PCDHGA8: variants seen among roughly 807,000 people sequenced by gnomAD.
PCDHGA8 encodes the protein protocadherin gamma subfamily A, 8, also known as protocadherin gamma-A8.
A neutral mutation model predicts 59.2 loss-of-function variants in PCDHGA8; 45 were observed. The observed-to-expected ratio is 0.76, with a 90% CI of 0.60 to 0.98. The LOEUF (loss-of-function observed/expected upper bound fraction) is 0.98. Among genes scored for constraint, PCDHGA8 ranks in the 50% least tolerant of loss-of-function variants. The pLI is 0.00. For synonymous variants in PCDHGA8, 531 were observed against 519.0 expected, an observed-to-expected ratio of 1.02 and a Z score of -0.32; for missense variants, 1,257 against 1,196.2, an observed-to-expected ratio of 1.05 and a Z score of -0.75.
intron 1 of PCDHGA8, among the ~76,000 whole-genome samples, chr5:141,449,868 T>C (rs902371897): frequency 1.3e-5 from 2 of 151,910 alleles, no homozygotes; most frequent in African/African-American, 4.8e-5. Flanking sequence ...AATCAGAAAA[T>C]TTAACATCAA....
At chr5:141,502,818 C>T (rs1209481886) in intron 2 of PCDHGA8, among the ~76,000 whole-genome samples, 1 of 150,836 alleles carries the variant, frequency 6.6e-6, no homozygotes, top group Non-Finnish European at 1.5e-5. Context: ...ACTGTCTTTT[C>T]CTTGGGGAAG....
In PCDHGA8 at chr5:141,432,446, C is replaced by T. The variant is rs765059815; in HGVS notation, c.2424+37209C>T. The T allele has an allele frequency of 1.2e-6, 2 of 1,614,256 alleles. No individual in the cohort carries two copies. Among genetic ancestry groups the T allele is most frequent in the Non-Finnish European group, 8.5e-7 (1 of 1,180,052 alleles). On this transcript the variant is annotated intron_variant, in intron 1 of 3. Transcript: ENST00000398604. The surrounding 1 kb of genome is among the most constrained non-coding windows in gnomAD (Gnocchi z 6.0). ...CCAGAACGACAATGCGCCCGAGATC[C>T]TGTACCCCGCCCTCCCCACGGACGG...
At chr5:141,430,244 A>G (rs903055705) in intron 1 of PCDHGA8, among the ~76,000 whole-genome samples, 1 of 105,606 alleles carries the variant, frequency 9.5e-6, no homozygotes, top group Non-Finnish European at 1.8e-5. Context: ...AGAAACTCCT[A>G]GGGAGACATC....
In PCDHGA8 at chr5:141,487,906, AGCACAGGAGGCTACAGT is replaced by A. The variant is rs2099668744; in HGVS notation, c.2425-6893_2425-6877del. ...TGGAAGCATGATGATGGAATGTGGG[AGCACAGGAGGCTACAGT>A]GCACAGGGTACAGTGCACCAGGCAG... On this transcript the variant is annotated intron_variant, in intron 1 of 3. Coordinates refer to ENST00000398604, the MANE Select transcript of PCDHGA8 (RefSeq NM_032088.2). The surrounding 1 kb of genome is among the most constrained non-coding windows in gnomAD (Gnocchi z 5.0). The A allele has an allele frequency of 8.7e-6, 6 of 686,524 alleles. No homozygotes were observed. The East Asian group carries it at 1.6e-4, about 19-fold the overall frequency. The allele number at this position is 686,524 out of a possible 1,614,324, so 42.5% of individuals were successfully genotyped here.
At chr5:141,498,971 G>GGGAGGGAAGGAAGGAAGGAAGGAA (rs2099787588) in intron 2 of PCDHGA8, among the ~76,000 whole-genome samples, 6 of 110,972 alleles carry the variant, frequency 5.4e-5, no homozygotes, top group Admixed American at 5.3e-4. Flanking sequence ...GAGGGAGGGA[G>GGGAGGGAAGGAAGGAAGGAAGGAA]GGAAGGAAGG....
At position 141,470,736 on chromosome 5, in the gene PCDHGA8, C is replaced by T. The variant is rs541510544; in HGVS notation, c.2425-24071C>T. ...TTTTTGAGTCAGGGTCTTGCTCTGT[C>T]GCCCTGGCTGGAGTGCAGTGGACTC... On this transcript the variant is annotated intron_variant, in intron 1 of 3. Coordinates refer to ENST00000398604, the MANE Select transcript of PCDHGA8 (RefSeq NM_032088.2). Among the ~76,000 whole-genome samples, 104 of 152,208 alleles carry T rather than the reference C, an allele frequency of 6.8e-4. 2 individuals carry two copies. Among genetic ancestry groups the T allele is most frequent in the African/African-American group, 2.4e-3 (98 of 41,522 alleles).
chr5:141,451,322 T>C (rs1452969719), intron 1 of PCDHGA8, among the ~76,000 whole-genome samples: 1 of 152,236 alleles, frequency 6.6e-6, no homozygotes, highest in African/African-American at 2.4e-5. Flanking sequence ...AAGTGTCACC[T>C]AAGGCTATTG....
At chr5:141,492,560 G>T (rs2099742000) in intron 1 of PCDHGA8, among the ~76,000 whole-genome samples, 1 of 152,156 alleles carries the variant, frequency 6.6e-6, no homozygotes, top group Non-Finnish European at 1.5e-5. Context: ...CCTGGGGGGC[G>T]GCCTGAGCGA....
At chr5:141,453,852 T>A (rs905734700) in intron 1 of PCDHGA8, among the ~76,000 whole-genome samples, 5 of 152,164 alleles carry the variant, frequency 3.3e-5, no homozygotes, top group African/African-American at 1.2e-4. Context: ...ACAGAGCACT[T>A]TGAAAATAAC....
intron 1 of PCDHGA8, among the ~76,000 whole-genome samples, chr5:141,453,574 G>T (rs1285296493): frequency 6.6e-6 from 1 of 152,084 alleles, no homozygotes; most frequent in Non-Finnish European, 1.5e-5. Context: ...TCATTAGTTT[G>T]TGGTTTATCC....
chr5:141,427,192 A>G (rs1191677237), intron 1 of PCDHGA8: 2 of 456,566 alleles, frequency 4.4e-6, no homozygotes, highest in African/African-American at 4.0e-5. Flanking sequence ...AAATCCAAAG[A>G]CTTAATAGAC....
chr5:141,398,915 A>G, intron 1 of PCDHGA8: 1 of 1,614,002 alleles, frequency 6.2e-7, no homozygotes, highest in Non-Finnish European at 8.5e-7. Context: ...ACTGTGTTGC[A>G]AGTGTCAGCC....
chr5:141,451,205 C>G (rs1023049434), intron 1 of PCDHGA8, among the ~76,000 whole-genome samples: 2 of 152,142 alleles, frequency 1.3e-5, no homozygotes, highest in African/African-American at 4.8e-5. Flanking sequence ...TATCCCAAAA[C>G]TTAGTGGCTT....
Position 141,477,426 on chromosome 5 carries a change from T to G in PCDHGA8, c.2425-17381T>G. 1 of 1,614,100 alleles carries G rather than the reference T, an allele frequency of 6.2e-7. No individual in the cohort carries two copies. Among genetic ancestry groups the G allele is most frequent in the East Asian group, 2.2e-5 (1 of 44,874 alleles). The stretch of plus-strand genomic sequence containing the variant: ...GCCCGAGACGCCGGAACCCCTTCCC[T>G]CTCAGCCCTTACAATAGTGCGTGTT... On this transcript the variant is annotated intron_variant, in intron 1 of 3. Coordinates refer to ENST00000398604, the MANE Select transcript of PCDHGA8 (RefSeq NM_032088.2). The surrounding 1 kb of genome is among the most constrained non-coding windows in gnomAD (Gnocchi z 4.9).
chr5:141,435,737 T>C (rs944951200), intron 1 of PCDHGA8, among the ~76,000 whole-genome samples: 1 of 152,202 alleles, frequency 6.6e-6, no homozygotes, highest in Non-Finnish European at 1.5e-5. Context: ...TATTACTCTT[T>C]GAAAAGCATT....
At chr5:141,422,705 C>T (rs371027437) in intron 1 of PCDHGA8, 2 of 1,602,706 alleles carry the variant, frequency 1.2e-6, no homozygotes, top group South Asian at 1.1e-5. Context: ...TACTCTCTGA[C>T]GGATGACACT....
At chr5:141,464,008 G>A (rs1484928987) in intron 1 of PCDHGA8, among the ~76,000 whole-genome samples, 6 of 151,674 alleles carry the variant, frequency 4.0e-5, no homozygotes, top group Non-Finnish European at 7.4e-5. Flanking sequence ...GCTCATGCTT[G>A]TAATCCCACA....
chr5:141,422,913 G>T, intron 1 of PCDHGA8: 1 of 1,614,248 alleles, frequency 6.2e-7, no homozygotes, highest in Non-Finnish European at 8.5e-7. Context: ...ATGCGCCCGA[G>T]ATCCTGTACC....
intron 1 of PCDHGA8, chr5:141,423,357 C>T: frequency 6.2e-7 from 1 of 1,614,214 alleles, no homozygotes; most frequent in Non-Finnish European, 8.5e-7. Context: ...TCTTTGTCAT[C>T]GTGCTGCTGG....
Sources: gnomAD v4.1 joint callset for allele counts (sites outside exome capture counted in the v4.1 genomes callset) on GRCh38, gnomAD v4.1.1 for gene constraint, Gnocchi (gnomAD v3.1) non-coding constraint, MANE v1.5 for transcripts, NCBI Gene and HGNC (gene_info 2026-07-23, HGNC 2026-07-21) for gene names.